Variants in CLN3 observed in about 807,000 individuals in gnomAD.
CLN3 encodes the protein CLN3 lysosomal/endosomal transmembrane protein, battenin, also known as battenin.
In CLN3, 49 loss-of-function variants were observed where a neutral mutation model predicts 60.7. That is an observed-to-expected ratio of 0.81 (90% CI 0.64 to 1.02). CLN3 has a LOEUF of 1.02. Ranked by LOEUF, CLN3 falls within the 50% of genes least tolerant of loss-of-function variation. The pLI, the probability that CLN3 is intolerant of heterozygous loss-of-function variation, is 0.00. For synonymous variants in CLN3, 256 were observed against 245.8 expected (o/e 1.04, Z -0.39); for missense variants, 516 against 557.4 (o/e 0.93, Z 0.75).
chr16:28,488,453 G>C, intron 5 of CLN3, 138 bp downstream of exon 5: 1 of 721,422 alleles, frequency 1.4e-6, no homozygotes, highest in Non-Finnish European at 2.4e-6. Context: ...GGGATTACAA[G>C]TGTGAGCCAG....
chr16:28,485,467 C>T (rs1480892419), intron 9 of CLN3, among the ~76,000 whole-genome samples: 1 of 144,674 alleles, frequency 6.9e-6, no homozygotes, highest in Non-Finnish European at 1.5e-5. Context: ...ACTCGGGAGG[C>T]TGAGGCAGGA....
chr16:28,468,494 A>G, the CLN3 span, among the ~76,000 whole-genome samples: 382 of 147,020 alleles, frequency 2.6e-3, no homozygotes, highest in East Asian at 0.048. Context: ...ACAAATAAGT[A>G]TCAAATTTTA....
chr16:28,481,944 G>A (rs917291024), intron 14 of CLN3, among the ~76,000 whole-genome samples, 161 bp downstream of exon 14: 15 of 149,962 alleles, frequency 1.0e-4, no homozygotes, highest in African/African-American at 3.2e-4. Flanking sequence ...CCAAGATTGC[G>A]CTACTGCACT....
chr16:28,479,167 C>T (rs965779171), intron 14 of CLN3, among the ~76,000 whole-genome samples: 2 of 152,192 alleles, frequency 1.3e-5, no homozygotes, highest in Admixed American at 6.5e-5. Context: ...CTCCTCGTGG[C>T]GGTTCATACT....
downstream of CLN3, among the ~76,000 whole-genome samples, chr16:28,470,722 G>A (rs961592163): frequency 1.3e-5 from 2 of 150,930 alleles, no homozygotes; most frequent in Non-Finnish European, 3.0e-5. Flanking sequence ...TGGAGGAGGA[G>A]AAGAAGAAAG....
rs1264449890 is a variant in CLN3 at position 28,477,531 on chromosome 16, G to C, written c.1302C>G (p.Leu434=). ...ATCCCGAGTATCAGGAGAGCTGGCA[G>C]AGGAAGTCATGCAGAGGCAAAGCCA... ...GLLALPLHDF[L]CQLS The change falls in exon 16 of 16, where the codon CTC becomes CTG. Residue 434 remains leucine (L), a synonymous_variant. Transcript: ENST00000636147. 6.2e-7 allele frequency: 1 copy of C among 1,613,704 alleles called. No individual in the cohort carries two copies. Among genetic ancestry groups the C allele is most frequent in the South Asian group, 1.1e-5 (1 of 91,064 alleles).
chr16:28,468,708 G>A, the CLN3 span, among the ~76,000 whole-genome samples: 1 of 136,788 alleles, frequency 7.3e-6, no homozygotes, highest in African/African-American at 2.5e-5. Flanking sequence ...TTGGGAGGCT[G>A]AGGCAGAAGA....
chr16:28,483,061 G>A (rs887193340), intron 10 of CLN3, among the ~76,000 whole-genome samples: 9 of 151,566 alleles, frequency 5.9e-5, no homozygotes, highest in African/African-American at 1.2e-4. Flanking sequence ...CTGAGATTGC[G>A]CCATTGCACT....
chr16:28,480,287 C>T (rs1253143600), intron 14 of CLN3, among the ~76,000 whole-genome samples: 2 of 151,860 alleles, frequency 1.3e-5, no homozygotes, highest in African/African-American at 4.8e-5. Context: ...CTCCTGGCTT[C>T]GAGTGATCCT....
chr16:28,480,332 G>A (rs540095610), intron 14 of CLN3, among the ~76,000 whole-genome samples: 88 of 152,036 alleles, frequency 5.8e-4, no homozygotes, highest in African/African-American at 2.1e-3. Context: ...GGGATTACAG[G>A]TGTGAGCCAC....
chr16:28,491,213 G>A (rs1408997116), intron 3 of CLN3, among the ~76,000 whole-genome samples: 3 of 152,140 alleles, frequency 2.0e-5, no homozygotes, highest in Non-Finnish European at 4.4e-5. Flanking sequence ...TTAAAAATAT[G>A]TGCACTAAAA....
At chr16:28,487,047 A>AT in intron 7 of CLN3, 1 of 362,928 alleles carries the variant, frequency 2.8e-6, no homozygotes, top group South Asian at 2.4e-5. Flanking sequence ...AGTAGCTGGG[A>AT]TTACAGGCTC....
intron 3 of CLN3, among the ~76,000 whole-genome samples, 164 bp downstream of exon 3, chr16:28,491,318 G>A (rs371579236): frequency 1.3e-5 from 2 of 152,338 alleles, no homozygotes; most frequent in East Asian, 3.9e-4. Context: ...GATAAGGAGT[G>A]AAGTTTGGAA....
At chr16:28,491,183 C>T in intron 3 of CLN3, 1 of 430,994 alleles carries the variant, frequency 2.3e-6, no homozygotes, top group East Asian at 3.8e-5. Context: ...CAAGTGGAGT[C>T]GTGATTTAAA....
intron 9 of CLN3, chr16:28,484,798 G>T (rs1442718118): frequency 1.3e-5 from 2 of 152,074 alleles, no homozygotes; most frequent in Non-Finnish European, 2.9e-5. Context: ...TTAGGTTCTG[G>T]CTTCATGTTA....
downstream of CLN3, among the ~76,000 whole-genome samples, chr16:28,473,288 G>A (rs567068190): frequency 1.3e-5 from 2 of 151,504 alleles, no homozygotes; most frequent in South Asian, 4.1e-4. Flanking sequence ...TTCTTTTTTT[G>A]CCATGATGCC....
chr16:28,491,336 A>G, intron 3 of CLN3, 146 bp downstream of exon 3: 1 of 1,155,986 alleles, frequency 8.7e-7, no homozygotes, highest in Non-Finnish European at 1.2e-6. Context: ...GAAATTTTAC[A>G]TGCTGCCCCT....
chr16:28,472,578 C>T (rs1309408275), downstream of CLN3, among the ~76,000 whole-genome samples: 2 of 151,470 alleles, frequency 1.3e-5, no homozygotes, highest in Non-Finnish European at 2.9e-5. Flanking sequence ...CGCTGGTTCA[C>T]GCCTGTAATC....
chr16:28,479,127 G>A (rs1275276142), intron 14 of CLN3, among the ~76,000 whole-genome samples: 1 of 152,160 alleles, frequency 6.6e-6, no homozygotes, highest in Non-Finnish European at 1.5e-5. Context: ...CACTGACCAC[G>A]CCACATTGCC....
Sources: allele counts gnomAD v4.1 joint callset (sites outside exome capture counted in the v4.1 genomes callset), GRCh38; gene constraint gnomAD v4.1.1; transcripts MANE v1.5; gene names NCBI Gene and HGNC (gene_info 2026-07-23, HGNC 2026-07-21).